KCNAB1: variants seen among roughly 807,000 people sequenced by gnomAD.
KCNAB1 encodes voltage-gated potassium channel subunit beta-1.
KCNAB1 carries 35 observed loss-of-function variants against 64.6 expected under a neutral mutation model. The ratio of observed to expected loss-of-function variants is 0.54; its 90% CI spans 0.41 to 0.72. The LOEUF (loss-of-function observed/expected upper bound fraction) is 0.72. Among genes scored for constraint, KCNAB1 ranks in the 30% least tolerant of loss-of-function variants. KCNAB1 has a pLI of 0.00. For synonymous variants in KCNAB1, 177 were observed against 183.8 expected (o/e 0.96, Z 0.30); for missense variants, 401 against 512.9 (o/e 0.78, Z 2.11).
intron 1 of KCNAB1, among the ~76,000 whole-genome samples, chr3:156,271,539 T>A (rs998401832): frequency 6.6e-6 from 1 of 152,248 alleles, no homozygotes; most frequent in Non-Finnish European, 1.5e-5. Flanking sequence ...TTGAGTATTT[T>A]AAATTATTTC....
At chr3:156,519,591 C>A (rs980207252) in intron 11 of KCNAB1, among the ~76,000 whole-genome samples, 7 of 152,166 alleles carry the variant, frequency 4.6e-5, no homozygotes, top group Non-Finnish European at 8.8e-5. Flanking sequence ...TTGCGAGTAA[C>A]AAAATCTGAT....
chr3:156,224,421 C>T (rs1000464480), intron 1 of KCNAB1, among the ~76,000 whole-genome samples: 5 of 152,254 alleles, frequency 3.3e-5, no homozygotes, highest in African/African-American at 1.2e-4. Flanking sequence ...CCAGAGTGGG[C>T]GCCAAGGCCG....
intron 1 of KCNAB1, among the ~76,000 whole-genome samples, chr3:156,351,863 G>A (rs79926895): frequency 0.012 from 1,852 of 152,292 alleles, 38 homozygotes; most frequent in South Asian, 0.075. Flanking sequence ...GTCACACAGA[G>A]CCAAGGTGAG....
At chr3:156,173,189 C>G (rs1160593965) in intron 1 of KCNAB1, among the ~76,000 whole-genome samples, 2 of 152,168 alleles carry the variant, frequency 1.3e-5, no homozygotes, top group Non-Finnish European at 2.9e-5. Context: ...TCACAAGGCC[C>G]TGACACAAAA....
At chr3:156,346,408 G>A (rs908342264) in intron 1 of KCNAB1, among the ~76,000 whole-genome samples, 3 of 152,084 alleles carry the variant, frequency 2.0e-5, no homozygotes, top group Non-Finnish European at 4.4e-5. Flanking sequence ...TGACAAGTAT[G>A]GTAAAATGAA....
At chr3:156,434,427 G>A (rs1451222643) in intron 2 of KCNAB1, among the ~76,000 whole-genome samples, 1 of 152,206 alleles carries the variant, frequency 6.6e-6, no homozygotes, top group African/African-American at 2.4e-5. Context: ...CATACGGAAG[G>A]TATATCAGGG....
intron 1 of KCNAB1, among the ~76,000 whole-genome samples, chr3:156,320,956 G>C (rs967229843): frequency 6.6e-6 from 1 of 150,776 alleles, no homozygotes; most frequent in Admixed American, 6.6e-5. Flanking sequence ...TAGTCTTTGA[G>C]AGCTTACTGT....
chr3:156,170,391 A>G (rs1711889888), intron 1 of KCNAB1, among the ~76,000 whole-genome samples: 1 of 152,206 alleles, frequency 6.6e-6, no homozygotes, highest in Admixed American at 6.5e-5. Context: ...GTCCAAGAAT[A>G]CTTAGAACTA....
intron 6 of KCNAB1, among the ~76,000 whole-genome samples, chr3:156,464,000 TACC>T (rs1713149986): frequency 6.6e-6 from 1 of 152,190 alleles, no homozygotes; most frequent in African/African-American, 2.4e-5. Flanking sequence ...ATTTTTCAAA[TACC>T]AATCTCATAC....
At chr3:156,260,831 C>T (rs1385081868) in intron 1 of KCNAB1, among the ~76,000 whole-genome samples, 1 of 152,132 alleles carries the variant, frequency 6.6e-6, no homozygotes. Flanking sequence ...AACTACTTTT[C>T]CTAGTGGCTG....
At chr3:156,247,165 G>A (rs1717506342) in intron 1 of KCNAB1, among the ~76,000 whole-genome samples, 1 of 152,192 alleles carries the variant, frequency 6.6e-6, no homozygotes, top group Non-Finnish European at 1.5e-5. Flanking sequence ...CGACTGGCTG[G>A]TATAGAAAGG....
intron 1 of KCNAB1, among the ~76,000 whole-genome samples, chr3:156,359,467 G>T (rs1203964622): frequency 6.6e-6 from 1 of 152,146 alleles, no homozygotes; most frequent in Non-Finnish European, 1.5e-5. Context: ...AAAGGTGAAG[G>T]CCTATGACTA....
At chr3:156,305,220 T>C (rs779603340) in intron 1 of KCNAB1, among the ~76,000 whole-genome samples, 3 of 152,170 alleles carry the variant, frequency 2.0e-5, no homozygotes, top group Non-Finnish European at 4.4e-5. Flanking sequence ...ATGGGACAAA[T>C]AGACAAGAAA....
chr3:156,340,909 A>G (rs73873316), intron 1 of KCNAB1, among the ~76,000 whole-genome samples: 4,862 of 152,300 alleles, frequency 0.032, 158 homozygotes, highest in African/African-American at 0.088. Context: ...TCTTCCTCAA[A>G]GTATTAGACT....
chr3:156,367,150 T>A (rs1249596442), intron 1 of KCNAB1, among the ~76,000 whole-genome samples: 1 of 150,536 alleles, frequency 6.6e-6, no homozygotes, highest in Non-Finnish European at 1.5e-5. Flanking sequence ...TCCCTGCAAG[T>A]GGCATCTCAG....
At chr3:156,419,854 A>G in intron 1 of KCNAB1, among the ~76,000 whole-genome samples, 1 of 152,236 alleles carries the variant, frequency 6.6e-6, no homozygotes, top group Non-Finnish European at 1.5e-5. Context: ...TTTTAAAAAA[A>G]TTCTCCCTAC....
intron 1 of KCNAB1, among the ~76,000 whole-genome samples, chr3:156,417,079 C>T (rs1246189371): frequency 1.3e-5 from 2 of 152,178 alleles, no homozygotes; most frequent in Non-Finnish European, 2.9e-5. Context: ...ACAGTGCCCT[C>T]ATAAGAAAAT....
intron 1 of KCNAB1, among the ~76,000 whole-genome samples, chr3:156,130,666 T>G (rs901487757): frequency 1.3e-5 from 2 of 152,226 alleles, no homozygotes; most frequent in Admixed American, 6.5e-5. Flanking sequence ...CTGCCCTAGT[T>G]TGGGTTGATT....
At chr3:156,462,562 G>T (rs1713002372) in intron 5 of KCNAB1, among the ~76,000 whole-genome samples, 1 of 152,060 alleles carries the variant, frequency 6.6e-6, no homozygotes, top group Non-Finnish European at 1.5e-5. Context: ...ACTTTTGGGG[G>T]GATTCACTTC....
Sources: gnomAD v4.1 joint callset for allele counts (sites outside exome capture counted in the v4.1 genomes callset) on GRCh38, gnomAD v4.1.1 for gene constraint, MANE v1.5 for transcripts, NCBI Gene and HGNC (gene_info 2026-07-23, HGNC 2026-07-21) for gene names.